The following SMG6 variants were observed in gnomAD, a reference collection of about 807,000 sequenced individuals.
SMG6 encodes the protein SMG6 nonsense mediated mRNA decay factor, also known as telomerase-binding protein EST1A.
In SMG6, 66 loss-of-function variants were observed where a neutral mutation model predicts 142.2. The observed-to-expected ratio is 0.46, with a 90% CI of 0.38 to 0.57. The LOEUF (loss-of-function observed/expected upper bound fraction) is 0.57, where lower values mean the gene tolerates loss of function less well. Ranked by LOEUF, SMG6 falls within the 20% of genes least tolerant of loss-of-function variation. SMG6 has a pLI of 0.00. For synonymous variants in SMG6, 779 were observed against 702.4 expected (o/e 1.11, Z -1.72); for missense variants, 1,793 against 1,832.0 (o/e 0.98, Z 0.39).
chr17:2,244,690 G>A lies in SMG6; in HGVS notation c.2691C>T (p.Leu897=). ...DLNKRFILSF[L]HAHGKLFTRI... ...GGGTAAACAGCTTCCCATGGGCATG[G>A]AGAAAACTGAGGATGAACCTTTTGT... is the stretch of plus-strand genomic sequence containing the variant. The change falls in exon 9 of 19, where the codon CTC becomes CTT. Residue 897 remains leucine (L), a synonymous_variant. Coordinates refer to ENST00000263073, the MANE Select transcript of SMG6 (RefSeq NM_017575.5). 1.2e-6 allele frequency: 2 copies of A among 1,614,042 alleles called. No individual in the cohort carries two copies. Among genetic ancestry groups the A allele is most frequent in the Non-Finnish European group, 1.7e-6 (2 of 1,179,880 alleles).
chr17:2,275,643 C>G (rs922439818), intron 8 of SMG6, among the ~76,000 whole-genome samples: 1 of 152,150 alleles, frequency 6.6e-6, no homozygotes, highest in Non-Finnish European at 1.5e-5. Context: ...CCTTAACTCC[C>G]TGACTGTCAG....
intron 6 of SMG6, among the ~76,000 whole-genome samples, chr17:2,284,129 T>C (rs1016280425): frequency 1.3e-5 from 2 of 152,210 alleles, no homozygotes; most frequent in Non-Finnish European, 2.9e-5. Flanking sequence ...CAGACAGACC[T>C]TGGTCCAAAT....
chr17:2,172,557 T>G (rs1382463195), intron 13 of SMG6, 101 bp downstream of exon 13: 1 of 1,254,404 alleles, frequency 8.0e-7, no homozygotes, highest in Non-Finnish European at 1.1e-6. Context: ...TCTCAATGAC[T>G]TAATCATGTT....
chr17:2,093,428 GA>G (rs201284242), intron 13 of SMG6, among the ~76,000 whole-genome samples: 1 of 150,194 alleles, frequency 6.7e-6, no homozygotes, highest in African/African-American at 2.4e-5. Flanking sequence ...GACTCAAAAA[GA>G]AAAAAAAAGA....
At chr17:2,286,896 C>T (rs2074917080) in intron 6 of SMG6, among the ~76,000 whole-genome samples, 1 of 150,524 alleles carries the variant, frequency 6.6e-6, no homozygotes, top group African/African-American at 2.4e-5. Context: ...AGAACTCATA[C>T]ATCTTGACAA....
At chr17:2,213,200 G>C (rs1249205074) in intron 10 of SMG6, among the ~76,000 whole-genome samples, 1 of 152,236 alleles carries the variant, frequency 6.6e-6, no homozygotes, top group African/African-American at 2.4e-5. Flanking sequence ...ATCTTTTCAA[G>C]AGGCAGAACT....
chr17:2,293,714 T>C (rs540967436), intron 4 of SMG6, among the ~76,000 whole-genome samples: 3 of 152,358 alleles, frequency 2.0e-5, no homozygotes, highest in East Asian at 3.9e-4. Context: ...AAGTGATCCA[T>C]GTGCCTGCCT....
At chr17:2,268,872 A>G (rs1329526822) in intron 8 of SMG6, among the ~76,000 whole-genome samples, 3 of 150,526 alleles carry the variant, frequency 2.0e-5, no homozygotes, top group Non-Finnish European at 3.0e-5. Context: ...AGATCACGCC[A>G]GTGCACTCCA....
chr17:2,296,553 G>A (rs908847073), intron 4 of SMG6, among the ~76,000 whole-genome samples: 2 of 152,220 alleles, frequency 1.3e-5, no homozygotes, highest in East Asian at 1.9e-4. Flanking sequence ...GATCAGCAGC[G>A]GTATTAGTTC....
chr17:2,212,257 G>A (rs969977562), intron 10 of SMG6, among the ~76,000 whole-genome samples: 5 of 149,156 alleles, frequency 3.4e-5, no homozygotes, highest in Non-Finnish European at 7.5e-5. Context: ...AAACTGTTAT[G>A]GAAAGAGACA....
intron 10 of SMG6, among the ~76,000 whole-genome samples, chr17:2,219,480 T>C (rs1224502607): frequency 1.3e-5 from 2 of 151,842 alleles, no homozygotes; most frequent in African/African-American, 4.8e-5. Context: ...TGTAAGCTGA[T>C]ACACCTTCTT....
At chr17:2,252,428 C>G (rs953806085) in intron 8 of SMG6, among the ~76,000 whole-genome samples, 2 of 151,764 alleles carry the variant, frequency 1.3e-5, no homozygotes, top group Non-Finnish European at 2.9e-5. Context: ...AAAGAAGGAG[C>G]CACGAATATG....
intron 12 of SMG6, among the ~76,000 whole-genome samples, chr17:2,180,078 T>C (rs918581620): frequency 6.6e-6 from 1 of 152,214 alleles, no homozygotes; most frequent in African/African-American, 2.4e-5. Flanking sequence ...CCAAAGGTCC[T>C]GGGATGCAAG....
chr17:2,210,037 C>T (rs1427093236), intron 10 of SMG6, among the ~76,000 whole-genome samples: 4 of 152,170 alleles, frequency 2.6e-5, no homozygotes, highest in Non-Finnish European at 2.9e-5. Context: ...CATCCAACTA[C>T]TTGGTGGGGA....
At chr17:2,168,733 T>G (rs2071415041) in intron 13 of SMG6, among the ~76,000 whole-genome samples, 1 of 151,450 alleles carries the variant, frequency 6.6e-6, no homozygotes, top group African/African-American at 2.4e-5. Context: ...ACAAAAAAAG[T>G]TTTTTTTGTT....
At chr17:2,152,195 G>T (rs1358299675) in intron 13 of SMG6, among the ~76,000 whole-genome samples, 2 of 152,130 alleles carry the variant, frequency 1.3e-5, no homozygotes, top group East Asian at 1.9e-4. Flanking sequence ...ACAGGAGAAA[G>T]AACTGAAAAA....
chr17:2,165,404 C>T (rs903149907), intron 13 of SMG6, among the ~76,000 whole-genome samples: 4 of 152,216 alleles, frequency 2.6e-5, no homozygotes, highest in Non-Finnish European at 5.9e-5. Context: ...ACTTGGTCCC[C>T]TTCCCACTCC....
At chr17:2,079,019 A>C (rs2068337202) in intron 15 of SMG6, among the ~76,000 whole-genome samples, 1 of 152,160 alleles carries the variant, frequency 6.6e-6, no homozygotes, top group Admixed American at 6.5e-5. Context: ...GCTGGGGTGC[A>C]GTGGCGCAAT....
intron 13 of SMG6, among the ~76,000 whole-genome samples, chr17:2,113,180 C>T (rs1454606359): frequency 6.6e-6 from 1 of 152,128 alleles, no homozygotes; most frequent in Admixed American, 6.5e-5. Flanking sequence ...ATCCTCCCCG[C>T]GACTTCAGCC....
Sources: allele counts gnomAD v4.1 joint callset (sites outside exome capture counted in the v4.1 genomes callset), GRCh38; gene constraint gnomAD v4.1.1; transcripts MANE v1.5; gene names NCBI Gene and HGNC (gene_info 2026-07-23, HGNC 2026-07-21).